The following PSEN1 variants were observed in gnomAD, a reference collection of about 807,000 sequenced individuals.
The protein encoded by PSEN1 is presenilin-1.
Under a neutral mutation model 53.5 loss-of-function variants are expected in PSEN1, and 15 were observed. The observed-to-expected ratio is 0.28, with a 90% CI of 0.19 to 0.43. The LOEUF is 0.43. Among genes scored for constraint, PSEN1 ranks in the 20% least tolerant of loss-of-function variants. The pLI is 1.00. For missense variants in PSEN1, 387 were observed against 571.2 expected, an observed-to-expected ratio of 0.68 and a Z score of 3.29; for synonymous variants, 208 against 209.8, an observed-to-expected ratio of 0.99 and a Z score of 0.08.
In PSEN1 at chr14:73,219,443, C is replaced by G. The variant is rs1900061293; in HGVS notation, c.*154C>G. 1 of 833,502 alleles carries G rather than the reference C, an allele frequency of 1.2e-6. No homozygotes were observed. The highest frequency in any genetic ancestry group is 1.4e-5 in the South Asian group (1 of 69,652). The allele number at this position is 833,502 out of a possible 1,614,324, so 51.6% of individuals were successfully genotyped here. A position where few individuals can be genotyped will look rare whatever the true frequency, so the allele number is the denominator to read the frequency against. ...CTTCCAAGTCTTCCTGACCACCTTG[C>G]ACTATTGGACTTTGGAAGGAGGTGC... On this transcript the variant is annotated 3_prime_UTR_variant, in exon 12 of 12. Transcript: ENST00000324501.
intron 8 of PSEN1, among the ~76,000 whole-genome samples, chr14:73,199,365 G>A (rs959820786): frequency 1.3e-5 from 2 of 152,212 alleles, no homozygotes; most frequent in African/African-American, 2.4e-5. Flanking sequence ...TGAGACAAGA[G>A]AGGATACTAC....
At chr14:73,158,282 T>TTCTATCTATCTATCTATCTA (rs56240305) in intron 3 of PSEN1, among the ~76,000 whole-genome samples, 12 of 141,574 alleles carry the variant, frequency 8.5e-5, no homozygotes, top group South Asian at 4.7e-4. Context: ...TAACTTTTTT[T>TTCTATCTATCTATCTATCTA]TCTATCTATC....
At chr14:73,156,925 G>A (rs1235971996) in intron 3 of PSEN1, among the ~76,000 whole-genome samples, 1 of 152,048 alleles carries the variant, frequency 6.6e-6, no homozygotes, top group Non-Finnish European at 1.5e-5. Context: ...GACTCCCAAA[G>A]TGCTGGGATT....
At chr14:73,179,676 C>G (rs557998511) in intron 5 of PSEN1, among the ~76,000 whole-genome samples, 1 of 152,270 alleles carries the variant, frequency 6.6e-6, no homozygotes, top group Admixed American at 6.5e-5. Flanking sequence ...GACCTCTTTC[C>G]TGATCCTCAA....
chr14:73,184,755 AC>A (rs1898415535), intron 5 of PSEN1, among the ~76,000 whole-genome samples: 1 of 92,958 alleles, frequency 1.1e-5, no homozygotes, highest in Non-Finnish European at 2.2e-5. Flanking sequence ...GACCCCCCCC[AC>A]CTCCCTCCCG....
At chr14:73,138,679 G>C (rs1431958342) in intron 1 of PSEN1, among the ~76,000 whole-genome samples, 1 of 151,758 alleles carries the variant, frequency 6.6e-6, no homozygotes, top group Non-Finnish European at 1.5e-5. Flanking sequence ...GGTAAAAAAA[G>C]GCCGAGCGCG....
intron 1 of PSEN1, among the ~76,000 whole-genome samples, chr14:73,143,033 T>A (rs1301860816): frequency 6.6e-6 from 1 of 152,206 alleles, no homozygotes; most frequent in Non-Finnish European, 1.5e-5. Context: ...TTTTTGTTGT[T>A]CACAGGGCTA....
At chr14:73,153,438 A>G (rs1304211123) in intron 3 of PSEN1, among the ~76,000 whole-genome samples, 8 of 152,188 alleles carry the variant, frequency 5.3e-5, no homozygotes, top group Non-Finnish European at 1.0e-4. Flanking sequence ...GCATTAGAGG[A>G]ATGGTTAAAC....
At chr14:73,145,357 CAG>C (rs976948086) in intron 1 of PSEN1, among the ~76,000 whole-genome samples, 2 of 151,738 alleles carry the variant, frequency 1.3e-5, no homozygotes, top group Non-Finnish European at 2.9e-5. Context: ...TTTTTTGAGA[CAG>C]GGTCTCACTC....
At chr14:73,195,395 A>G (rs1372231447) in intron 7 of PSEN1, among the ~76,000 whole-genome samples, 1 of 151,438 alleles carries the variant, frequency 6.6e-6, no homozygotes, top group East Asian at 2.0e-4. Flanking sequence ...CTGGTCTCAA[A>G]CTCCTGACCT....
chr14:73,195,297 C>T (rs949261530), intron 7 of PSEN1, among the ~76,000 whole-genome samples: 38 of 152,086 alleles, frequency 2.5e-4, no homozygotes, highest in Non-Finnish European at 4.6e-4. Context: ...CTCAGCCTTC[C>T]GAGTAGCTGG....
chr14:73,138,975 G>GA (rs1409323348), intron 1 of PSEN1, among the ~76,000 whole-genome samples: 4 of 139,198 alleles, frequency 2.9e-5, no homozygotes, highest in East Asian at 4.7e-4. Flanking sequence ...AAGAAAAAAA[G>GA]AAAAAAAATG....
In PSEN1 at chr14:73,210,573, A is replaced by C. The variant is rs146729897; in HGVS notation, c.956-1196A>C. Among the ~76,000 whole-genome samples the C allele has an allele frequency of 6.2e-4, 94 of 152,340 alleles. 1 individual carries two copies. The highest frequency in any genetic ancestry group is 2.2e-3 in the African/African-American group (91 of 41,580). ...GCTAAAAGAGTTTAAGGTAGGAATG[A>C]GTATCAGAAGTGAGGAGGGAGGGGG... On this transcript the variant is annotated intron_variant, in intron 9 of 11. Transcript: ENST00000324501.
At chr14:73,167,716 C>CT (rs1207741738) in intron 3 of PSEN1, 7 of 151,456 alleles carry the variant, frequency 4.6e-5, no homozygotes, top group African/African-American at 1.7e-4. Flanking sequence ...GCTCAAGTCT[C>CT]TAACAGCTCT....
In PSEN1 at chr14:73,194,598, T is replaced by C. The variant is rs186894936; in HGVS notation, c.769+1734T>C. ...TTTTTTTTTTTTTCAAGACGGAGTC[T>C]GGCTCTGTCGCCCAGACTGGAGTGC... is the stretch of plus-strand genomic sequence containing the variant. On this transcript the variant is annotated intron_variant, in intron 7 of 11. Coordinates refer to ENST00000324501, the MANE Select transcript of PSEN1 (RefSeq NM_000021.4). Among the ~76,000 whole-genome samples, 9 of 142,788 alleles carry C rather than the reference T, an allele frequency of 6.3e-5. No individual in the cohort carries two copies. In the East Asian group the frequency reaches 1.1e-3, roughly 17 times the overall value. The allele number at this position is 142,788 out of a possible 152,430, so 93.7% of individuals were successfully genotyped here. A position where few individuals can be genotyped will look rare whatever the true frequency, so the allele number is the denominator to read the frequency against.
intron 5 of PSEN1, among the ~76,000 whole-genome samples, chr14:73,181,586 C>CTTAAAAAA: frequency 1.3e-5 from 2 of 152,174 alleles, no homozygotes; most frequent in African/African-American, 4.8e-5. Flanking sequence ...TAGTGAGACC[C>CTTAAAAAA]CAGTCTCTTA....
chr14:73,211,669 G>A (rs1899686063), intron 9 of PSEN1, 100 bp from the exon 10 acceptor site: 3 of 1,310,072 alleles, frequency 2.3e-6, no homozygotes, highest in Non-Finnish European at 2.2e-6. Context: ...TTAAGGGCCA[G>A]CTAGTTACAA....
intron 1 of PSEN1, among the ~76,000 whole-genome samples, chr14:73,139,936 TGCAG>T (rs1395610831): frequency 2.6e-5 from 4 of 152,226 alleles, no homozygotes; most frequent in Admixed American, 2.0e-4. Flanking sequence ...AAAGAAAGAC[TGCAG>T]GCAATGCTAA....
At chr14:73,202,469 T>TATTTATTTATA (rs1566648467) in intron 8 of PSEN1, among the ~76,000 whole-genome samples, 1 of 52,416 alleles carries the variant, frequency 1.9e-5, no homozygotes, top group African/African-American at 7.8e-5. Context: ...TATATTTTTT[T>TATTTATTTATA]TTTTTTTTTT....
Sources: allele counts gnomAD v4.1 joint callset (sites outside exome capture counted in the v4.1 genomes callset), GRCh38; gene constraint gnomAD v4.1.1; transcripts MANE v1.5; gene names NCBI Gene and HGNC (gene_info 2026-07-23, HGNC 2026-07-21).